ZFHX3: variants seen among roughly 807,000 people sequenced by gnomAD.
The protein encoded by ZFHX3 is zinc finger homeobox 3, also known as zinc finger homeobox protein 3.
Under a neutral mutation model 279.1 loss-of-function variants are expected in ZFHX3, and 42 were observed. The ratio of observed to expected loss-of-function variants is 0.15; its 90% CI spans 0.12 to 0.19. The LOEUF is 0.19. Ranked by LOEUF, ZFHX3 falls within the 10% of genes least tolerant of loss-of-function variation. The pLI, the probability that ZFHX3 is intolerant of heterozygous loss-of-function variation, is 1.00. For synonymous variants in ZFHX3, 2,293 were observed against 1,957.8 expected (o/e 1.17, Z -4.52); for missense variants, 4,981 against 4,754.0 (o/e 1.05, Z -1.40).
chr16:73,546,419 G>T (rs907550358), intron 2 of ZFHX3, among the ~76,000 whole-genome samples: 2 of 148,858 alleles, frequency 1.3e-5, no homozygotes, highest in Admixed American at 6.7e-5. Context: ...GCTGGAGGTA[G>T]TTTGGGTAGC....
At chr16:73,195,947 T>C (rs1033069948) in intron 5 of ZFHX3, among the ~76,000 whole-genome samples, 2 of 152,174 alleles carry the variant, frequency 1.3e-5, no homozygotes, top group African/African-American at 4.8e-5. Context: ...TTACCATCTT[T>C]ATACGTGTAT....
chr16:73,854,534 G>C (rs995244434), intron 1 of ZFHX3, among the ~76,000 whole-genome samples: 2 of 151,844 alleles, frequency 1.3e-5, no homozygotes, highest in Non-Finnish European at 2.9e-5. Flanking sequence ...AAGAAGAAAA[G>C]TACACATCTG....
At chr16:73,793,303 C>A in intron 1 of ZFHX3, among the ~76,000 whole-genome samples, 1 of 152,174 alleles carries the variant, frequency 6.6e-6, no homozygotes, top group East Asian at 1.9e-4. Context: ...GACTGTTGAC[C>A]AATCTTTGAG....
intron 3 of ZFHX3, among the ~76,000 whole-genome samples, chr16:73,376,192 A>AT (rs1224635709): frequency 3.3e-5 from 5 of 152,008 alleles, no homozygotes; most frequent in Non-Finnish European, 1.5e-5. Flanking sequence ...ATTTTATATA[A>AT]TTTTTTTGTT....
intron 2 of ZFHX3, chr16:73,609,803 C>T (rs1001672586): frequency 1.3e-5 from 2 of 152,168 alleles, no homozygotes; most frequent in Non-Finnish European, 2.9e-5. Context: ...CAAGTTGAAT[C>T]CTAATTTCAT....
chr16:73,539,684 T>G (rs1317354268), intron 2 of ZFHX3, among the ~76,000 whole-genome samples: 2 of 152,108 alleles, frequency 1.3e-5, no homozygotes, highest in African/African-American at 4.8e-5. Flanking sequence ...TATTTGATGC[T>G]GTTCAGTAAA....
At position 72,785,201 on chromosome 16, in the gene ZFHX3, C is replaced by G. The variant is rs917960660; in HGVS notation, c.*1963G>C. ...CTCCAAAATCTATGTTTTAGCAGCACAAAGTTTTCAAAGTTCAGACCATTT... is the reference window on the plus strand; with the variant it reads ...CTCCAAAATCTATGTTTTAGCAGCAGAAAGTTTTCAAAGTTCAGACCATTT... On this transcript the variant is annotated 3_prime_UTR_variant, in exon 10 of 10. Transcript: ENST00000268489. 19 of 152,664 alleles carry G rather than the reference C, an allele frequency of 1.2e-4. No individual in the cohort carries two copies. Among genetic ancestry groups the G allele is most frequent in the Admixed American group, 1.2e-3 (19 of 15,292 alleles). 9.5% of individuals were successfully genotyped at this position (152,664 alleles called of 1,614,324 possible).
rs567431474 is a variant in ZFHX3 at position 73,477,062 on chromosome 16, G to A, written c.-1546-20804C>T. Among the ~76,000 whole-genome samples, 52 of 152,222 alleles carry A rather than the reference G, an allele frequency of 3.4e-4. No homozygotes were observed. The South Asian group carries it at 3.9e-3, about 12-fold the overall frequency. On this transcript the variant is annotated intron_variant, in intron 2 of 17. Coordinates refer to the ZFHX3 transcript ENST00000641206. Reference sequence around the variant, plus strand: ...TTTGCACCTGCATAACAAAAACTTGGAAGAAAAAAATTTTAGAAATTTAGC... The same window carrying A: ...TTTGCACCTGCATAACAAAAACTTGAAAGAAAAAAATTTTAGAAATTTAGC...
intron 1 of ZFHX3, among the ~76,000 whole-genome samples, chr16:73,044,262 C>A (rs1444318402): frequency 6.6e-6 from 1 of 152,148 alleles, no homozygotes; most frequent in African/African-American, 2.4e-5. Context: ...ATGAGGTTCA[C>A]TGTAATGGAA....
chr16:73,325,263 T>C (rs1232990107), intron 3 of ZFHX3, among the ~76,000 whole-genome samples: 1 of 152,176 alleles, frequency 6.6e-6, no homozygotes, highest in Non-Finnish European at 1.5e-5. Flanking sequence ...TTAACTAATA[T>C]TTATGGGGCT....
intron 2 of ZFHX3, among the ~76,000 whole-genome samples, chr16:73,660,362 T>C (rs2052768638): frequency 6.6e-6 from 1 of 152,230 alleles, no homozygotes. Flanking sequence ...TAGACACAAC[T>C]GCAAAACTGG....
intron 2 of ZFHX3, among the ~76,000 whole-genome samples, chr16:73,647,437 C>A (rs770189315): frequency 5.3e-5 from 8 of 152,080 alleles, no homozygotes; most frequent in Non-Finnish European, 8.8e-5. Flanking sequence ...CTCGTCAGAT[C>A]TGATGGTTTA....
At chr16:73,494,323 T>C (rs1248793897) in intron 2 of ZFHX3, among the ~76,000 whole-genome samples, 3 of 152,130 alleles carry the variant, frequency 2.0e-5, no homozygotes, top group Non-Finnish European at 4.4e-5. Context: ...TCTCTGCTAA[T>C]GAAGATATGG....
chr16:73,230,161 T>C (rs988439544), intron 5 of ZFHX3, among the ~76,000 whole-genome samples: 1 of 152,120 alleles, frequency 6.6e-6, no homozygotes, highest in Non-Finnish European at 1.5e-5. Flanking sequence ...GCAGAATAAA[T>C]AGTTGATATA....
intron 3 of ZFHX3, among the ~76,000 whole-genome samples, chr16:73,452,465 G>A (rs986396945): frequency 3.9e-5 from 6 of 152,132 alleles, no homozygotes; most frequent in Non-Finnish European, 7.4e-5. Context: ...AAAATCTGAT[G>A]CAGGCAGGCA....
At chr16:73,662,357 A>G (rs1482216139) in intron 2 of ZFHX3, among the ~76,000 whole-genome samples, 1 of 152,202 alleles carries the variant, frequency 6.6e-6, no homozygotes, top group Non-Finnish European at 1.5e-5. Flanking sequence ...TTAAATATCC[A>G]TGACCCACGG....
intron 3 of ZFHX3, among the ~76,000 whole-genome samples, chr16:72,893,444 T>C (rs1165095799): frequency 2.0e-5 from 3 of 152,222 alleles, no homozygotes; most frequent in Admixed American, 2.0e-4. Context: ...AAGAGTTGGA[T>C]GGAAATGCGA....
chr16:73,729,033 G>A (rs2053546104), intron 1 of ZFHX3, among the ~76,000 whole-genome samples: 1 of 152,116 alleles, frequency 6.6e-6, no homozygotes, highest in African/African-American at 2.4e-5. Context: ...CTGAAGTTCT[G>A]GGAATGACTG....
intron 4 of ZFHX3, among the ~76,000 whole-genome samples, chr16:73,260,660 G>T (rs1223639287): frequency 5.4e-5 from 7 of 130,472 alleles, no homozygotes; most frequent in Non-Finnish European, 9.6e-5. Context: ...CATGTTCTTT[G>T]TTAGTGGTGC....
Sources: gnomAD v4.1 joint callset for allele counts (sites outside exome capture counted in the v4.1 genomes callset) on GRCh38, gnomAD v4.1.1 for gene constraint, MANE v1.5 for transcripts, NCBI Gene and HGNC (gene_info 2026-07-23, HGNC 2026-07-21) for gene names.